SDK2: variants seen among roughly 807,000 people sequenced by gnomAD.
SDK2 encodes the protein protein sidekick-2.
SDK2 carries 105 observed loss-of-function variants against 253.9 expected under a neutral mutation model. The observed-to-expected ratio is 0.41, with a 90% CI of 0.35 to 0.49. SDK2 has a LOEUF of 0.49. Among genes scored for constraint, SDK2 ranks in the 20% least tolerant of loss-of-function variants. SDK2 has a pLI of 0.06. For missense variants in SDK2, 2,608 were observed against 3,003.0 expected, an observed-to-expected ratio of 0.87 and a Z score of 3.07; for synonymous variants, 1,249 against 1,234.9, an observed-to-expected ratio of 1.01 and a Z score of -0.24.
At chr17:73,388,127 C>T in intron 29 of SDK2, 90 bp from the exon 30 acceptor site, 2 of 905,176 alleles carry the variant, frequency 2.2e-6, no homozygotes, top group Middle Eastern at 3.3e-4. Context: ...AGGAGGTGAT[C>T]TGGGCTCAGG....
chr17:73,598,054 C>T (rs1456368643), intron 1 of SDK2, among the ~76,000 whole-genome samples: 1 of 152,106 alleles, frequency 6.6e-6, no homozygotes. Flanking sequence ...GTTACATAGC[C>T]AGCTGGTGTC....
Position 73,379,504 on chromosome 17 carries a change from T to G in SDK2, c.4808A>C (p.Asn1603Thr). 1 of 1,612,630 alleles carries G rather than the reference T, an allele frequency of 6.2e-7. No individual in the cohort carries two copies. The highest frequency in any genetic ancestry group is 8.5e-7 in the Non-Finnish European group (1 of 1,179,370). ...GCTGGAGGGCCCCTCACCCACAGCG[T>G]TGTACACGCTCATCCGTATCTCGTA... ...RRYEIRMSVY[N>T]AVGEGPSSPP... The change falls in exon 35 of 45, where the codon AAC (asparagine) becomes ACC (threonine). Residue 1603 changes from asparagine (N) to threonine (T), a missense_variant. Transcript: ENST00000392650. The surrounding 1 kb of genome is among the most constrained non-coding windows in gnomAD (Gnocchi z 4.5).
intron 1 of SDK2, among the ~76,000 whole-genome samples, chr17:73,556,695 A>G (rs948311811): frequency 1.3e-5 from 2 of 152,328 alleles, no homozygotes; most frequent in South Asian, 2.1e-4. Flanking sequence ...AAAGGACTTC[A>G]GTAGATGTTA....
intron 1 of SDK2, among the ~76,000 whole-genome samples, chr17:73,615,036 C>T (rs1022012364): frequency 2.7e-4 from 40 of 150,608 alleles, no homozygotes; most frequent in Admixed American, 1.5e-3. Context: ...ATGTTTGAAT[C>T]GTGCCTGACA....
chr17:73,600,513 G>T (rs777718036), intron 1 of SDK2, among the ~76,000 whole-genome samples: 1 of 152,046 alleles, frequency 6.6e-6, no homozygotes, highest in Non-Finnish European at 1.5e-5. Context: ...GGACACCCAG[G>T]GCTTCTCTGG....
At position 73,335,924 on chromosome 17, in the gene SDK2, G is replaced by A. The variant is rs139607567; in HGVS notation, c.*2663C>T. On this transcript the variant is annotated 3_prime_UTR_variant, in exon 45 of 45. Coordinates refer to ENST00000392650, the MANE Select transcript of SDK2 (RefSeq NM_001144952.2). ...GGGCACCATCCCGCATGTACACGTA[G>A]GTGTCAGCATGGGTGCGAATGAGCG... The A allele has an allele frequency of 2.2e-3, 337 of 152,544 alleles. 3 individuals carry two copies. Among genetic ancestry groups the A allele is most frequent in the Middle Eastern group, 0.013 (4 of 302 alleles). 9.4% of individuals were successfully genotyped at this position (152,544 alleles called of 1,614,324 possible). A position where few individuals can be genotyped will look rare whatever the true frequency, so the allele number is the denominator to read the frequency against.
At chr17:73,602,678 A>G (rs2045857453) in intron 1 of SDK2, among the ~76,000 whole-genome samples, 1 of 151,948 alleles carries the variant, frequency 6.6e-6, no homozygotes, top group Non-Finnish European at 1.5e-5. Context: ...ACTGTCCTTA[A>G]GTGAGAATGT....
intron 3 of SDK2, among the ~76,000 whole-genome samples, chr17:73,458,378 C>T (rs1463730172): frequency 6.6e-6 from 1 of 152,206 alleles, no homozygotes; most frequent in African/African-American, 2.4e-5. Context: ...CCAGGCATCC[C>T]CCAGGGCACA....
intron 36 of SDK2, among the ~76,000 whole-genome samples, chr17:73,376,283 T>C (rs971805800): frequency 7.4e-6 from 1 of 135,716 alleles, no homozygotes; most frequent in Non-Finnish European, 1.5e-5. Flanking sequence ...TTATTTATTT[T>C]GCCCCGTGTT....
rs779712804 is a variant in SDK2, at chr17:73,437,957, C to T, written c.916+7G>A. The T allele has an allele frequency of 2.6e-6, 4 of 1,552,910 alleles. No individual in the cohort carries two copies. Among genetic ancestry groups the T allele is most frequent in the Admixed American group, 2.0e-5 (1 of 51,056 alleles). On this transcript the variant is annotated splice_region_variant and intron_variant, in intron 7 of 44. Coordinates refer to ENST00000392650, the MANE Select transcript of SDK2 (RefSeq NM_001144952.2). ...AGGGGAGCCCTAGCAGCCCCACCCT[C>T]TCTCACCCAGCACTGAGAGGTAGGC...
chr17:73,529,092 G>T (rs182925057), intron 1 of SDK2, among the ~76,000 whole-genome samples: 297 of 152,280 alleles, frequency 2.0e-3, no homozygotes, highest in Middle Eastern at 6.8e-3. Context: ...TCCTTTAGGG[G>T]CTTAGCTTTC....
chr17:73,344,439 C>A (rs2062465528), intron 44 of SDK2, among the ~76,000 whole-genome samples: 1 of 152,190 alleles, frequency 6.6e-6, no homozygotes, highest in Admixed American at 6.5e-5. Context: ...GGCCAGGCTG[C>A]AGTAGGCATG....
At chr17:73,634,956 T>C (rs1259157327) in intron 1 of SDK2, among the ~76,000 whole-genome samples, 1 of 151,872 alleles carries the variant, frequency 6.6e-6, no homozygotes, top group Non-Finnish European at 1.5e-5. Flanking sequence ...AGGTAGGATT[T>C]GAGCCCAGGG....
intron 18 of SDK2, among the ~76,000 whole-genome samples, chr17:73,409,250 G>T (rs879902940): frequency 3.3e-5 from 5 of 152,210 alleles, no homozygotes; most frequent in Non-Finnish European, 5.9e-5. Context: ...GGAGGCCAAG[G>T]TGGGTGGATC....
intron 2 of SDK2, among the ~76,000 whole-genome samples, chr17:73,474,715 G>A (rs973174626): frequency 5.3e-5 from 8 of 152,080 alleles, no homozygotes; most frequent in Non-Finnish European, 1.0e-4. Flanking sequence ...CCTCTCTCCC[G>A]AGGCGAGGGG....
rs1356089715 is a variant in SDK2, at chr17:73,393,564, A to G, written c.3894T>C (p.Asp1298=). ...SHPPILERTL[D]DVPGPPMGIL... is the part of the protein sequence containing the mutation. ...CTTGCTGGGATACGGACTCACCATC[A>G]TCCAGCGTCCGCTCCAGGATGGGAG... is the stretch of plus-strand genomic sequence containing the variant. The change falls in exon 27 of 45, where the codon GAT becomes GAC. Residue 1298 remains aspartate (D), a synonymous_variant. Transcript: ENST00000392650. The G allele has an allele frequency of 6.4e-7, 1 of 1,556,560 alleles. No individual in the cohort carries two copies. The highest frequency in any genetic ancestry group is 8.8e-7 in the Non-Finnish European group (1 of 1,142,778).
chr17:73,370,975 G>A (rs527739612), intron 36 of SDK2, among the ~76,000 whole-genome samples: 2 of 152,078 alleles, frequency 1.3e-5, no homozygotes, highest in South Asian at 4.2e-4. Flanking sequence ...GAGGCAGGAG[G>A]ATGGCTGGAA....
intron 1 of SDK2, among the ~76,000 whole-genome samples, chr17:73,598,423 C>T (rs1389029532): frequency 6.6e-6 from 1 of 152,200 alleles, no homozygotes; most frequent in South Asian, 2.1e-4. Flanking sequence ...CATGCATCAG[C>T]CAGTTTTGTT....
At chr17:73,504,277 AG>A (rs1196272132) in intron 2 of SDK2, 23 of 138,850 alleles carry the variant, frequency 1.7e-4, no homozygotes, top group African/African-American at 6.1e-4. Context: ...AAAGAGAGAG[AG>A]AGAGAGAGGG....
Sources: gnomAD v4.1 joint callset for allele counts (sites outside exome capture counted in the v4.1 genomes callset) on GRCh38, gnomAD v4.1.1 for gene constraint, Gnocchi (gnomAD v3.1) non-coding constraint, MANE v1.5 for transcripts, NCBI Gene and HGNC (gene_info 2026-07-23, HGNC 2026-07-21) for gene names.